Variants in SAMD5 observed in about 807,000 individuals in gnomAD.
SAMD5 encodes sterile alpha motif domain containing 5.
A neutral mutation model predicts 11.3 loss-of-function variants in SAMD5; 13 were observed. That is an observed-to-expected ratio of 1.15 (90% CI 0.75 to 1.83). SAMD5 has a LOEUF of 1.83. Among genes scored for constraint, SAMD5 ranks in the 40% most tolerant of loss-of-function variants. SAMD5 has a pLI of 0.00. For missense variants in SAMD5, 255 were observed against 239.1 expected, an observed-to-expected ratio of 1.07 and a Z score of -0.44; for synonymous variants, 129 against 111.3, an observed-to-expected ratio of 1.16 and a Z score of -1.00.
the SAMD5 span, among the ~76,000 whole-genome samples, chr6:147,888,885 C>T: frequency 1.5e-5 from 2 of 134,764 alleles, no homozygotes; most frequent in Admixed American, 1.5e-4. Flanking sequence ...AACTCCATCT[C>T]AAAAAAAAAA....
chr6:147,594,618 T>G (rs1454568130), intron 1 of SAMD5, among the ~76,000 whole-genome samples: 1 of 152,154 alleles, frequency 6.6e-6, no homozygotes, highest in Non-Finnish European at 1.5e-5. Flanking sequence ...CTTTTAATAG[T>G]CAAAGGAGAA....
chr6:147,932,588 T>TTGTG, the SAMD5 span, among the ~76,000 whole-genome samples: 415 of 131,156 alleles, frequency 3.2e-3, no homozygotes, highest in Admixed American at 4.6e-3. Context: ...TCTTACAGAA[T>TTGTG]TGTGTGTGTG....
At chr6:147,682,914 A>G (rs1023384160) in intron 1 of SAMD5, among the ~76,000 whole-genome samples, 1 of 152,236 alleles carries the variant, frequency 6.6e-6, no homozygotes, top group African/African-American at 2.4e-5. Flanking sequence ...CTAAAACTGT[A>G]TGTAAAAATC....
chr6:147,516,393 A>G (rs530955314), intron 1 of SAMD5, among the ~76,000 whole-genome samples: 5 of 152,284 alleles, frequency 3.3e-5, no homozygotes, highest in Admixed American at 3.3e-4. Flanking sequence ...CAGACATCAG[A>G]GTTCGAGTCC....
At chr6:147,947,840 T>G in the SAMD5 span, among the ~76,000 whole-genome samples, 1 of 152,124 alleles carries the variant, frequency 6.6e-6, no homozygotes, top group Non-Finnish European at 1.5e-5. Context: ...TTTATTGGAA[T>G]TTTTTAAATG....
the SAMD5 span, chr6:147,947,565 C>G: frequency 6.6e-6 from 1 of 152,158 alleles, no homozygotes; most frequent in South Asian, 2.1e-4. Flanking sequence ...TTCAAAGATG[C>G]ATGTGAATTG....
chr6:147,709,911 T>C (rs891950905), intron 1 of SAMD5, among the ~76,000 whole-genome samples: 3 of 152,174 alleles, frequency 2.0e-5, no homozygotes, highest in African/African-American at 7.2e-5. Flanking sequence ...AGCACAATTG[T>C]GTCTTGCCGC....
At chr6:147,682,245 G>A (rs1008036202) in intron 1 of SAMD5, among the ~76,000 whole-genome samples, 42 of 152,136 alleles carry the variant, frequency 2.8e-4, no homozygotes, top group Non-Finnish European at 1.2e-4. Flanking sequence ...TATTTTGCAT[G>A]GATCACCTTC....
chr6:147,729,864 C>T (rs1791684234), intron 1 of SAMD5: 1 of 455,252 alleles, frequency 2.2e-6, no homozygotes, highest in Non-Finnish European at 4.4e-6. Context: ...GCAGGTGGAT[C>T]ACCTGAGGTC....
the SAMD5 span, among the ~76,000 whole-genome samples, chr6:147,904,948 G>T: frequency 1.9e-4 from 29 of 150,932 alleles, no homozygotes; most frequent in African/African-American, 6.6e-4. Context: ...GAGTGCGATG[G>T]TGCGATCTCG....
chr6:147,818,919 C>CG, the SAMD5 span, among the ~76,000 whole-genome samples: 1 of 152,074 alleles, frequency 6.6e-6, no homozygotes, highest in South Asian at 2.1e-4. Flanking sequence ...AGCAGTGTGG[C>CG]GATTACTCAA....
the SAMD5 span, among the ~76,000 whole-genome samples, chr6:147,928,813 C>G: frequency 6.6e-6 from 1 of 152,236 alleles, no homozygotes; most frequent in South Asian, 2.1e-4. Context: ...CTATGAATTT[C>G]CCTCTTAACA....
intron 1 of SAMD5, among the ~76,000 whole-genome samples, chr6:147,520,946 A>T (rs545073880): frequency 6.6e-6 from 1 of 152,240 alleles, no homozygotes; most frequent in South Asian, 2.1e-4. Flanking sequence ...CATGCTGTAT[A>T]ATAGATCCCA....
At chr6:147,853,678 T>G in the SAMD5 span, among the ~76,000 whole-genome samples, 2 of 152,052 alleles carry the variant, frequency 1.3e-5, no homozygotes, top group East Asian at 3.9e-4. Context: ...AAAGCTTCAT[T>G]CATTAATTTC....
chr6:147,671,524 TAC>T (rs1790795345), intron 1 of SAMD5, among the ~76,000 whole-genome samples: 1 of 152,216 alleles, frequency 6.6e-6, no homozygotes, highest in African/African-American at 2.4e-5. Flanking sequence ...ACTTTTAACA[TAC>T]AGAGTTTCTA....
chr6:147,777,841 A>G, the SAMD5 span, among the ~76,000 whole-genome samples: 4,835 of 152,200 alleles, frequency 0.032, 113 homozygotes, highest in Middle Eastern at 0.051. Context: ...ATGCACCAGA[A>G]CTTCATTTCT....
intron 1 of SAMD5, among the ~76,000 whole-genome samples, chr6:147,684,876 C>G (rs1017957522): frequency 6.6e-6 from 1 of 152,082 alleles, no homozygotes; most frequent in Non-Finnish European, 1.5e-5. Context: ...AAAAAAATAA[C>G]TTCTCATATT....
chr6:147,857,608 T>C, the SAMD5 span, among the ~76,000 whole-genome samples: 1 of 149,698 alleles, frequency 6.7e-6, no homozygotes, highest in East Asian at 1.9e-4. Context: ...ATAGGTAGGT[T>C]TACTGTACTT....
intron 1 of SAMD5, among the ~76,000 whole-genome samples, chr6:147,517,011 T>A (rs998760242): frequency 6.6e-6 from 1 of 152,238 alleles, no homozygotes; most frequent in Non-Finnish European, 1.5e-5. Flanking sequence ...ATATCTTGAT[T>A]TGCCCCATGT....
Sources: allele counts gnomAD v4.1 joint callset (sites outside exome capture counted in the v4.1 genomes callset), GRCh38; gene constraint gnomAD v4.1.1; transcripts MANE v1.5; gene names NCBI Gene and HGNC (gene_info 2026-07-23, HGNC 2026-07-21).